Variants in TIPIN observed in about 807,000 individuals in gnomAD.
TIPIN encodes the protein TIMELESS-interacting protein.
TIPIN carries 29 observed loss-of-function variants against 35.6 expected under a neutral mutation model. The observed-to-expected ratio is 0.82, with a 90% CI of 0.61 to 1.11. The LOEUF (loss-of-function observed/expected upper bound fraction) is 1.11, where lower values mean the gene tolerates loss of function less well. Ranked by LOEUF, TIPIN falls within the 50% of genes most tolerant of loss-of-function variation. The pLI is 0.00. For missense variants in TIPIN, 296 were observed against 345.4 expected (o/e 0.86, Z 1.13); for synonymous variants, 102 against 121.5 (o/e 0.84, Z 1.06).
chr15:66,381,606 T>C (rs2093318912), intron 1 of TIPIN, among the ~76,000 whole-genome samples: 1 of 152,192 alleles, frequency 6.6e-6, no homozygotes. Context: ...CTGTTGAATA[T>C]TTAGGTAATT....
At chr15:66,373,512 A>AAC (rs2093285097) in intron 1 of TIPIN, among the ~76,000 whole-genome samples, 1 of 151,872 alleles carries the variant, frequency 6.6e-6, no homozygotes, top group Non-Finnish European at 1.5e-5. Flanking sequence ...AAAAAAGGAA[A>AAC]AGAAAAAGAA....
intron 1 of TIPIN, among the ~76,000 whole-genome samples, chr15:66,382,570 TCGTCATATTGCCCAGG>T (rs1026722554): frequency 7.2e-5 from 11 of 152,176 alleles, no homozygotes; most frequent in African/African-American, 2.7e-4. Context: ...AGATGGGGTT[TCGTCATATTGCCCAGG>T]CTAGTGTTGA....
At chr15:66,347,381 C>G (rs1182612953) in intron 6 of TIPIN, 1 of 452,134 alleles carries the variant, frequency 2.2e-6, no homozygotes, top group East Asian at 6.1e-5. Context: ...GAGCTGCGCT[C>G]CAAGTGAAAT....
At chr15:66,369,064 C>T (rs545207216) in intron 1 of TIPIN, among the ~76,000 whole-genome samples, 2 of 152,186 alleles carry the variant, frequency 1.3e-5, no homozygotes, top group African/African-American at 4.8e-5. Context: ...ATTCAGTCTC[C>T]CACTCTTTAA....
intron 1 of TIPIN, among the ~76,000 whole-genome samples, chr15:66,376,731 A>C (rs916153161): frequency 6.6e-6 from 1 of 150,766 alleles, no homozygotes; most frequent in Non-Finnish European, 1.5e-5. Flanking sequence ...GCCCAGCCCC[A>C]GGTCTGATAA....
intron 1 of TIPIN, among the ~76,000 whole-genome samples, chr15:66,385,611 C>T (rs1829330470): frequency 6.6e-6 from 1 of 151,796 alleles, no homozygotes; most frequent in Admixed American, 6.6e-5. Context: ...GCCTCAGCCC[C>T]CCAAGTAGTT....
chr15:66,369,200 C>A (rs191508814), intron 1 of TIPIN, among the ~76,000 whole-genome samples: 3 of 152,144 alleles, frequency 2.0e-5, no homozygotes, highest in African/African-American at 7.2e-5. Flanking sequence ...AATGACACAA[C>A]AATGTTATCA....
At chr15:66,360,525 G>A (rs2093226587), upstream of TIPIN, among the ~76,000 whole-genome samples, 1 of 152,094 alleles carries the variant, frequency 6.6e-6, no homozygotes, top group African/African-American at 2.4e-5. Flanking sequence ...GTCAGTCATT[G>A]ATATTGTCAA....
Position 66,384,730 on chromosome 15 carries a change from T to A in TIPIN, c.-9+1877A>T, listed in dbSNP as rs186481028. Among the ~76,000 whole-genome samples, 38 of 152,190 alleles carry A rather than the reference T, an allele frequency of 2.5e-4. 1 individual carries two copies. Among genetic ancestry groups the A allele is most frequent in the African/African-American group, 8.7e-4 (36 of 41,548 alleles). ...GAGTTTGAGACCAGCCTGGCCAACA[T>A]GGTGAAATCCTGTCTCTACTAAAAA... On this transcript the variant is annotated intron_variant, in intron 1 of 7. Coordinates refer to the TIPIN transcript ENST00000562124.
intron 4 of TIPIN, among the ~76,000 whole-genome samples, chr15:66,350,533 C>T (rs376300868): frequency 2.0e-5 from 3 of 150,808 alleles, no homozygotes; most frequent in Non-Finnish European, 4.4e-5. Context: ...TGAACCCAAG[C>T]GGCGGAGGTT....
At chr15:66,383,857 A>C (rs957769983) in intron 1 of TIPIN, among the ~76,000 whole-genome samples, 3 of 152,186 alleles carry the variant, frequency 2.0e-5, no homozygotes, top group African/African-American at 7.2e-5. Context: ...TGCTCGTCAT[A>C]CTTTACACAA....
At chr15:66,348,761 G>A (rs770717792) in intron 6 of TIPIN, among the ~76,000 whole-genome samples, 11 of 151,326 alleles carry the variant, frequency 7.3e-5, no homozygotes, top group Non-Finnish European at 2.9e-5. Flanking sequence ...CCAAGGCAAC[G>A]CAGGGAGATC....
chr15:66,340,727 G>C (rs1198169654), intron 7 of TIPIN, among the ~76,000 whole-genome samples: 1 of 151,892 alleles, frequency 6.6e-6, no homozygotes, highest in African/African-American at 2.4e-5. Context: ...CTCCCAAGTA[G>C]TTGGGATTAC....
chr15:66,373,760 T>C (rs549490830), intron 1 of TIPIN, among the ~76,000 whole-genome samples: 4 of 152,222 alleles, frequency 2.6e-5, no homozygotes, highest in African/African-American at 9.6e-5. Context: ...TGGAGTGCAA[T>C]AGTAGGATCA....
chr15:66,340,326 C>T (rs2093077282), intron 7 of TIPIN, among the ~76,000 whole-genome samples: 1 of 151,506 alleles, frequency 6.6e-6, no homozygotes, highest in Admixed American at 6.6e-5. Context: ...TACAGGTGCA[C>T]ACCACCATGC....
rs769278333 is a variant in TIPIN, at chr15:66,336,974, A to G, written c.890T>C (p.Ile297Thr). The G allele has an allele frequency of 1.6e-5, 26 of 1,611,178 alleles. No individual in the cohort carries two copies. The South Asian group carries it at 2.6e-4, about 16-fold the overall frequency. ...QQQLDATSRN[I>T]TEAR ...AATGGAAACTTATCTAGCTTCAGTAATATTTCTGGATGTAGCATCAAGTTG... is the reference window on the plus strand; with the variant it reads ...AATGGAAACTTATCTAGCTTCAGTAGTATTTCTGGATGTAGCATCAAGTTG... The change falls in exon 8 of 8, where the codon ATT becomes ACT. Residue 297 changes from isoleucine (I) to threonine (T), a missense_variant. Ile to Thr is a moderately conservative substitution (Grantham distance 89, BLOSUM62 -1). Transcript: ENST00000261881.
intron 1 of TIPIN, among the ~76,000 whole-genome samples, chr15:66,380,146 C>T (rs565411531): frequency 2.0e-5 from 3 of 151,978 alleles, no homozygotes; most frequent in African/African-American, 7.2e-5. Context: ...GGACTACAGG[C>T]GCCCACCACT....
intron 6 of TIPIN, chr15:66,347,217 G>A (rs760528578): frequency 3.9e-6 from 2 of 516,358 alleles, no homozygotes; most frequent in South Asian, 2.8e-5. Context: ...CATGTATGGA[G>A]CCATCGCACA....
chr15:66,343,790 G>A (rs892973989), intron 6 of TIPIN, among the ~76,000 whole-genome samples: 1 of 152,158 alleles, frequency 6.6e-6, no homozygotes, highest in Non-Finnish European at 1.5e-5. Context: ...CCTGAGGTGA[G>A]GAGTTCAAGA....
Sources: gnomAD v4.1 joint callset for allele counts (sites outside exome capture counted in the v4.1 genomes callset) on GRCh38, gnomAD v4.1.1 for gene constraint, MANE v1.5 for transcripts, NCBI Gene and HGNC (gene_info 2026-07-23, HGNC 2026-07-21) for gene names.